Variants in NOL4L observed in about 807,000 individuals in gnomAD.
NOL4L encodes nucleolar protein 4-like.
In NOL4L, 7 loss-of-function variants were observed where a neutral mutation model predicts 64.5. The ratio of observed to expected loss-of-function variants is 0.11; its 90% CI spans 0.06 to 0.20. The LOEUF is 0.20. NOL4L is among the 10% of genes least tolerant of loss of function. The pLI, the probability that NOL4L is intolerant of heterozygous loss-of-function variation, is 1.00. For missense variants in NOL4L, 680 were observed against 967.1 expected (o/e 0.70, Z 3.94); for synonymous variants, 413 against 401.0 (o/e 1.03, Z -0.36).
chr20:32,504,845 C>T (rs773104724), intron 4 of NOL4L, among the ~76,000 whole-genome samples: 29 of 152,132 alleles, frequency 1.9e-4, no homozygotes, highest in Non-Finnish European at 3.8e-4. Flanking sequence ...GTGATACACT[C>T]GCTTCAGCCT....
At chr20:32,447,879 C>T (rs1401561134) in intron 10 of NOL4L, 63 bp from the exon 11 acceptor site, 1 of 1,510,698 alleles carries the variant, frequency 6.6e-7, no homozygotes, top group Admixed American at 2.2e-5. Context: ...GGGAGGTGTA[C>T]CTTCCTTGGC....
intron 10 of NOL4L, among the ~76,000 whole-genome samples, chr20:32,448,045 G>C (rs544434494): frequency 6.6e-6 from 1 of 152,184 alleles, no homozygotes; most frequent in Non-Finnish European, 1.5e-5. Flanking sequence ...GCAAGGATCC[G>C]GTTTTAGGTG....
chr20:32,462,428 G>A (rs943960293), intron 5 of NOL4L, among the ~76,000 whole-genome samples: 1 of 152,170 alleles, frequency 6.6e-6, no homozygotes, highest in African/African-American at 2.4e-5. Context: ...CCCACAGGAG[G>A]GGGTGGTGCC....
In NOL4L at chr20:32,567,519, T is replaced by C. The variant is rs1475143476; in HGVS notation, c.321+17051A>G. On this transcript the variant is annotated intron_variant, in intron 1 of 10. Transcript: ENST00000621426. Reference sequence around the variant, plus strand: ...TTGGGCAAAACCAGACCTCAAACTCTGCTCTGGCAAGTCAGACTCATACAC... The same window carrying C: ...TTGGGCAAAACCAGACCTCAAACTCCGCTCTGGCAAGTCAGACTCATACAC... Among the ~76,000 whole-genome samples, 2 of 152,202 alleles carry C rather than the reference T, an allele frequency of 1.3e-5. 1 individual carries two copies. The highest frequency in any genetic ancestry group is 1.3e-4 in the Admixed American group (2 of 15,284).
chr20:32,452,065 C>T (rs547922263), intron 10 of NOL4L, among the ~76,000 whole-genome samples, 171 bp downstream of exon 10: 1 of 152,322 alleles, frequency 6.6e-6, no homozygotes, highest in African/African-American at 2.4e-5. Context: ...CCAGCTAAGA[C>T]GATGAAGTGG....
intron 1 of NOL4L, among the ~76,000 whole-genome samples, chr20:32,560,807 G>C (rs1411146428): frequency 6.6e-6 from 1 of 152,264 alleles, no homozygotes; most frequent in African/African-American, 2.4e-5. Flanking sequence ...TGACGGATGG[G>C]ACTGATGATT....
intron 1 of NOL4L, among the ~76,000 whole-genome samples, chr20:32,564,116 C>T (rs536573717): frequency 4.6e-5 from 7 of 152,368 alleles, no homozygotes; most frequent in African/African-American, 1.4e-4. Context: ...CCATCCACCA[C>T]GGCGGGCCCC....
rs376348600 is a variant in NOL4L, at chr20:32,452,396, G to A, written c.1662C>T (p.Ser554=). ...AGTAGGTGGAGTGGGTGATGGCTGC[G>A]GAGTCCCGCGAGTGCTGCTTGTCCA... is the stretch of plus-strand genomic sequence containing the variant. ...IALDKQHSRD[S]AAITHSTYSL... Residue 554 remains serine (S), a synonymous_variant, in exon 10 of 11, where the codon TCC becomes TCT. Transcript: ENST00000621426. The A allele has an allele frequency of 2.0e-4, 316 of 1,610,756 alleles. No homozygotes were observed. The highest frequency in any genetic ancestry group is 2.5e-4 in the Non-Finnish European group (298 of 1,178,310).
intron 1 of NOL4L, among the ~76,000 whole-genome samples, chr20:32,582,712 AC>A: frequency 6.6e-6 from 1 of 151,850 alleles, no homozygotes; most frequent in Non-Finnish European, 1.5e-5. Flanking sequence ...TGGGGCACCG[AC>A]CCGGGAAGCC....
chr20:32,490,144 A>AAAAAAAAAC (rs543768294), intron 4 of NOL4L, among the ~76,000 whole-genome samples: 1,680 of 122,034 alleles, frequency 0.014, 151 homozygotes, highest in Admixed American at 0.016. Context: ...AAAAAAAAAA[A>AAAAAAAAAC]ATATATATAC....
chr20:32,518,311 G>T (rs2017764624), intron 3 of NOL4L, among the ~76,000 whole-genome samples: 1 of 152,344 alleles, frequency 6.6e-6, no homozygotes, highest in East Asian at 1.9e-4. Context: ...ATTCTAGATG[G>T]CTCCTGGCCT....
chr20:32,494,506 C>A (rs1006841415), intron 4 of NOL4L, among the ~76,000 whole-genome samples: 9 of 152,156 alleles, frequency 5.9e-5, no homozygotes, highest in African/African-American at 2.2e-4. Flanking sequence ...TCTGCCCAAG[C>A]CTTCGGCATC....
chr20:32,503,270 G>T (rs760830660), intron 4 of NOL4L, among the ~76,000 whole-genome samples: 1 of 152,208 alleles, frequency 6.6e-6, no homozygotes, highest in Non-Finnish European at 1.5e-5. Flanking sequence ...AAATGTGGTC[G>T]ATGGCATTTC....
intron 1 of NOL4L, among the ~76,000 whole-genome samples, chr20:32,559,880 C>G (rs1339633391): frequency 6.6e-6 from 1 of 152,258 alleles, no homozygotes; most frequent in Non-Finnish European, 1.5e-5. Flanking sequence ...TGCCCAGGCC[C>G]TGCCGCCCAC....
At chr20:32,456,540 C>T (rs1441087194) in intron 5 of NOL4L, 145 bp from the exon 6 acceptor site, 2 of 804,232 alleles carry the variant, frequency 2.5e-6, no homozygotes, top group Non-Finnish European at 3.5e-6. Context: ...GCAATTTGCC[C>T]CAGCCCACAG....
intron 1 of NOL4L, 59 bp downstream of exon 1, chr20:32,584,510 CG>C: frequency 1.5e-5 from 16 of 1,063,920 alleles, no homozygotes; most frequent in Non-Finnish European, 1.7e-5. Flanking sequence ...ACCCCGCCCC[CG>C]CCCGCCTGCC....
intron 4 of NOL4L, among the ~76,000 whole-genome samples, chr20:32,504,744 C>A (rs1003733511): frequency 6.6e-6 from 1 of 151,928 alleles, no homozygotes; most frequent in Non-Finnish European, 1.5e-5. Context: ...GCTGGGACTA[C>A]AAGCACGTGC....
intron 4 of NOL4L, among the ~76,000 whole-genome samples, chr20:32,503,953 T>C (rs2017027461): frequency 6.6e-6 from 1 of 152,216 alleles, no homozygotes; most frequent in Non-Finnish European, 1.5e-5. Context: ...CCCAATGCCA[T>C]TTAAGAAGGC....
chr20:32,462,070 C>CGG (rs2014121941), intron 5 of NOL4L, among the ~76,000 whole-genome samples: 1 of 152,056 alleles, frequency 6.6e-6, no homozygotes, highest in Non-Finnish European at 1.5e-5. Context: ...GGACATCACG[C>CGG]GGGGACTCCT....
Sources: gnomAD v4.1 joint callset for allele counts (sites outside exome capture counted in the v4.1 genomes callset) on GRCh38, gnomAD v4.1.1 for gene constraint, MANE v1.5 for transcripts, NCBI Gene and HGNC (gene_info 2026-07-23, HGNC 2026-07-21) for gene names.